The following DNAH2 variants were observed in gnomAD, a reference collection of about 807,000 sequenced individuals.
DNAH2 encodes the protein axonemal beta dynein heavy chain 2.
DNAH2 carries 323 observed loss-of-function variants against 523.5 expected under a neutral mutation model. That is an observed-to-expected ratio of 0.62 (90% CI 0.56 to 0.68). The LOEUF (loss-of-function observed/expected upper bound fraction) is 0.68. Among genes scored for constraint, DNAH2 ranks in the 30% least tolerant of loss-of-function variants. DNAH2 has a pLI of 0.00. For missense variants in DNAH2, 4,907 were observed against 5,701.5 expected (o/e 0.86, Z 4.49); for synonymous variants, 2,093 against 2,177.4 (o/e 0.96, Z 1.08).
chr17:7,757,109 T>C lies in DNAH2; in HGVS notation c.1923T>C (p.Phe641=). Residue 641 remains phenylalanine, a synonymous_variant, in exon 13 of 86, where the codon TTT becomes TTC. Coordinates refer to ENST00000572933, the MANE Select transcript of DNAH2 (RefSeq NM_020877.5). ...CTCAAAGGTCCCTTCTGATTCTCTT[T>C]GCGGAAATTGACTACTGGGAGCGGC... ...VNFDKSLLIL[F]AEIDYWERLL... 6.2e-7 allele frequency: 1 copy of C among 1,614,106 alleles called. No individual in the cohort carries two copies. Among genetic ancestry groups the C allele is most frequent in the Non-Finnish European group, 8.5e-7 (1 of 1,180,000 alleles).
chr17:7,830,570 C>A, intron 78 of DNAH2, 79 bp downstream of exon 78: 1 of 1,605,208 alleles, frequency 6.2e-7, no homozygotes, highest in Non-Finnish European at 8.5e-7. Flanking sequence ...TGGGAATATC[C>A]GTGGACACAA....
chr17:7,817,913 T>C (rs9916791), intron 67 of DNAH2, 33 bp from the exon 68 acceptor site: 453,183 of 1,613,454 alleles, frequency 0.28, 67,501 homozygotes, highest in East Asian at 0.56. Context: ...ACCTCTCCCG[T>C]AGTGTTCCTT....
At chr17:7,792,593 G>A in intron 46 of DNAH2, 64 bp from the exon 47 acceptor site, 1 of 1,382,868 alleles carries the variant, frequency 7.2e-7, no homozygotes, top group Non-Finnish European at 1.0e-6. Flanking sequence ...TAGAGGGAAA[G>A]GAAGTGGGAG....
chr17:7,793,524 C>CT (rs1567709846), intron 48 of DNAH2, among the ~76,000 whole-genome samples: 5 of 101,328 alleles, frequency 4.9e-5, no homozygotes, highest in African/African-American at 1.6e-4. Flanking sequence ...TCTTCTCTTT[C>CT]TCTTTCTTTC....
chr17:7,802,847 A>G (rs960293902), intron 58 of DNAH2, among the ~76,000 whole-genome samples: 22 of 118,952 alleles, frequency 1.8e-4, no homozygotes, highest in Non-Finnish European at 4.1e-4. Flanking sequence ...TTTTTTTTGT[A>G]TTTTTAGTAG....
chr17:7,739,696 A>G (rs1318705604), intron 8 of DNAH2, 37 bp from the exon 9 acceptor site: 1 of 1,596,680 alleles, frequency 6.3e-7, no homozygotes, highest in African/African-American at 1.3e-5. Flanking sequence ...GGAGTTTGGA[A>G]GGAAAGCAGG....
intron 11 of DNAH2, among the ~76,000 whole-genome samples, chr17:7,741,297 C>CTTTCTTTCTTT (rs1491588292): frequency 0.031 from 1,918 of 61,194 alleles, 180 homozygotes; most frequent in Non-Finnish European, 0.04. Flanking sequence ...TTTCTTTCTT[C>CTTTCTTTCTTT]CTTCCTTCCC....
chr17:7,797,516 GTCC>G lies in DNAH2; in HGVS notation c.8071_8073del (p.Pro2691del). 6.2e-7 allele frequency: 1 copy of G among 1,614,136 alleles called. No homozygotes were observed. Among genetic ancestry groups the G allele is most frequent in the East Asian group, 2.2e-5 (1 of 44,890 alleles). On this transcript the variant is annotated inframe_deletion, in exon 52 of 86. Coordinates refer to ENST00000572933, the MANE Select transcript of DNAH2 (RefSeq NM_020877.5). ...TTTCATCATCTCTGTCCCAGCAAGC[GTCC>G]TCCTATCTTTGGTGAGCCAGGAGCT...
chr17:7,767,224 A>G (rs1236602367), intron 22 of DNAH2, among the ~76,000 whole-genome samples: 1 of 152,094 alleles, frequency 6.6e-6, no homozygotes, highest in African/African-American at 2.4e-5. Flanking sequence ...TTCGCTTAGC[A>G]TAATGTCTTC....
At position 7,791,829 on chromosome 17, in the gene DNAH2, G is replaced by C. The variant is rs183068462; in HGVS notation, c.6901-88G>C. 5.4e-3 allele frequency: 7,140 copies of C among 1,330,574 alleles called. 27 individuals carry two copies. The highest frequency in any genetic ancestry group is 8.9e-3 in the Middle Eastern group (44 of 4,948). 82.4% of individuals were successfully genotyped at this position (1,330,574 alleles called of 1,614,324 possible). ...GAGCCAGGGAAGGAGGAAGACCCAGGCTTTCCACACTCTGGTGTCACGAGT... is the reference window on the plus strand; with the variant it reads ...GAGCCAGGGAAGGAGGAAGACCCAGCCTTTCCACACTCTGGTGTCACGAGT... On this transcript the variant is annotated intron_variant, in intron 44 of 85. Transcript: ENST00000572933.
intron 22 of DNAH2, 150 bp downstream of exon 22, chr17:7,766,631 A>G: frequency 1.5e-6 from 1 of 666,866 alleles, no homozygotes; most frequent in Non-Finnish European, 2.3e-6. Flanking sequence ...TCATACAACA[A>G]AATTAATCCT....
chr17:7,741,184 A>T (rs1014707919), intron 11 of DNAH2, among the ~76,000 whole-genome samples, 192 bp downstream of exon 11: 5 of 151,606 alleles, frequency 3.3e-5, no homozygotes, highest in African/African-American at 1.2e-4. Flanking sequence ...CTGGTAGAAC[A>T]TGCGCCATTT....
intron 72 of DNAH2, 61 bp downstream of exon 72, chr17:7,819,469 C>A: frequency 6.3e-7 from 1 of 1,587,790 alleles, no homozygotes; most frequent in Non-Finnish European, 8.6e-7. Flanking sequence ...TTCTTCTGGC[C>A]ACTGCACCTT....
intron 4 of DNAH2, among the ~76,000 whole-genome samples, chr17:7,730,726 G>A (rs918300406): frequency 6.6e-6 from 1 of 152,108 alleles, no homozygotes; most frequent in Non-Finnish European, 1.5e-5. Flanking sequence ...GCTTGAACCC[G>A]GGAGGCGGAG....
At chr17:7,797,322 T>C (rs2151285497) in intron 51 of DNAH2, 61 bp downstream of exon 51, 1 of 1,613,558 alleles carries the variant, frequency 6.2e-7, no homozygotes, top group Non-Finnish European at 8.5e-7. Context: ...ACCCCTACTT[T>C]GTTCCCAGCC....
At chr17:7,788,352 G>A (rs2151265109) in intron 44 of DNAH2, 108 bp downstream of exon 44, 4 of 1,339,886 alleles carry the variant, frequency 3.0e-6, no homozygotes, top group Non-Finnish European at 4.0e-6. Context: ...CCAGGCTTGA[G>A]TGGAGCAGAG....
At chr17:7,736,982 A>AAAATAAATAAAT (rs75880616) in intron 7 of DNAH2, 85 bp from the exon 8 acceptor site, 18 of 1,243,282 alleles carry the variant, frequency 1.4e-5, no homozygotes, top group Non-Finnish European at 1.6e-5. Flanking sequence ...AACTCCATCT[A>AAAATAAATAAAT]AAATAAATAA....
intron 14 of DNAH2, 49 bp from the exon 15 acceptor site, chr17:7,758,836 A>G (rs1476797211): frequency 6.2e-7 from 1 of 1,606,450 alleles, no homozygotes; most frequent in South Asian, 1.1e-5. Flanking sequence ...TGAGGTCCAG[A>G]TGGTCTCTTC....
At chr17:7,815,697 C>T (rs1182882468) in intron 63 of DNAH2, among the ~76,000 whole-genome samples, 2 of 151,828 alleles carry the variant, frequency 1.3e-5, no homozygotes, top group Non-Finnish European at 2.9e-5. Context: ...TATGGGATCA[C>T]ACACATGTAT....
Sources: allele counts gnomAD v4.1 joint callset (sites outside exome capture counted in the v4.1 genomes callset), GRCh38; gene constraint gnomAD v4.1.1; transcripts MANE v1.5; gene names NCBI Gene and HGNC (gene_info 2026-07-23, HGNC 2026-07-21).